PCDH15: variants seen among roughly 807,000 people sequenced by gnomAD.
PCDH15 encodes protocadherin related 15, also known as protocadherin-15.
A neutral mutation model predicts 178.5 loss-of-function variants in PCDH15; 129 were observed. That is an observed-to-expected ratio of 0.72 (90% CI 0.63 to 0.84). The LOEUF (loss-of-function observed/expected upper bound fraction) is 0.84. Among genes scored for constraint, PCDH15 ranks in the 40% least tolerant of loss-of-function variants. The pLI, the probability that PCDH15 is intolerant of heterozygous loss-of-function variation, is 0.00. For missense variants in PCDH15, 2,230 were observed against 2,099.9 expected (o/e 1.06, Z -1.21); for synonymous variants, 800 against 732.0 (o/e 1.09, Z -1.50).
At chr10:55,479,999 A>G (rs1840143596) in intron 2 of PCDH15, among the ~76,000 whole-genome samples, 1 of 147,310 alleles carries the variant, frequency 6.8e-6, no homozygotes, top group Admixed American at 6.8e-5. Context: ...TTTTGGTTCC[A>G]TATGAATTTT....
At chr10:53,959,038 T>G (rs2087961005) in intron 23 of PCDH15, among the ~76,000 whole-genome samples, 1 of 149,410 alleles carries the variant, frequency 6.7e-6, no homozygotes, top group African/African-American at 2.4e-5. Flanking sequence ...GCCACCCAAT[T>G]TATGGTATTT....
chr10:55,095,873 C>T (rs777485245), intron 2 of PCDH15, among the ~76,000 whole-genome samples: 4 of 151,960 alleles, frequency 2.6e-5, no homozygotes, highest in Non-Finnish European at 4.4e-5. Context: ...TTTTTATACT[C>T]GCAAAAGTAG....
intron 13 of PCDH15, among the ~76,000 whole-genome samples, chr10:54,182,853 T>G (rs1393212483): frequency 6.6e-6 from 1 of 152,186 alleles, no homozygotes; most frequent in African/African-American, 2.4e-5. Context: ...AGCTATGCTT[T>G]TTTTTTTAAA....
Position 54,991,405 on chromosome 10 carries a change from C to T in PCDH15, c.-79-93905G>A, listed in dbSNP as rs560397570. On this transcript the variant is annotated intron_variant, in intron 2 of 5. Transcript: ENST00000458638. Reference sequence around the variant, plus strand: ...AGAGGTAATTGAAAAAAGAGAAAAGCTGGGCATGTATACTGTATATAACCA... The same window carrying T: ...AGAGGTAATTGAAAAAAGAGAAAAGTTGGGCATGTATACTGTATATAACCA... Among the ~76,000 whole-genome samples, 32 of 152,144 alleles carry T rather than the reference C, an allele frequency of 2.1e-4. No individual in the cohort carries two copies. In the South Asian group the frequency reaches 6.6e-3, roughly 32 times the overall value.
In PCDH15 at chr10:55,111,532, T is replaced by TA. The variant is rs112529372; in HGVS notation, c.-80+55043dup. Among the ~76,000 whole-genome samples, 1,135 of 148,388 alleles carry TA rather than the reference T, an allele frequency of 7.6e-3. 15 individuals carry two copies. The highest frequency in any genetic ancestry group is 0.022 in the African/African-American group (893 of 40,614). ...CAATTGGGAGTCCAGAGATACTATTTAAAAAAAAAAAATTTAAAAAAGTTC... is the reference window on the plus strand; with the variant it reads ...CAATTGGGAGTCCAGAGATACTATTTAAAAAAAAAAAAATTTAAAAAAGTTC... On this transcript the variant is annotated intron_variant, in intron 2 of 5. Coordinates refer to the PCDH15 transcript ENST00000458638.
At chr10:54,336,810 T>C (rs1327843475) in intron 6 of PCDH15, among the ~76,000 whole-genome samples, 2 of 152,164 alleles carry the variant, frequency 1.3e-5, no homozygotes, top group African/African-American at 2.4e-5. Context: ...AGAGGGCCAC[T>C]GTCCTCCAGA....
chr10:54,973,994 T>A (rs1839001257), intron 2 of PCDH15, among the ~76,000 whole-genome samples: 1 of 151,742 alleles, frequency 6.6e-6, no homozygotes, highest in South Asian at 2.1e-4. Context: ...GGCTAAATGA[T>A]CTTATACTGG....
intron 16 of PCDH15, among the ~76,000 whole-genome samples, chr10:54,085,955 C>A (rs2094508431): frequency 1.3e-5 from 2 of 151,996 alleles, no homozygotes; most frequent in Non-Finnish European, 1.5e-5. Flanking sequence ...AATATTTTTT[C>A]ATTTTGCTTT....
chr10:54,228,199 C>T (rs2053660275), intron 9 of PCDH15, among the ~76,000 whole-genome samples: 1 of 152,014 alleles, frequency 6.6e-6, no homozygotes. Flanking sequence ...GGGCAATTTT[C>T]AAAAGAAAAA....
At chr10:54,050,275 T>G (rs911162164) in intron 18 of PCDH15, among the ~76,000 whole-genome samples, 1 of 152,182 alleles carries the variant, frequency 6.6e-6, no homozygotes, top group Non-Finnish European at 1.5e-5. Context: ...GATTTCTTCT[T>G]GATTCAATCA....
rs1224926027 is a variant in PCDH15, at chr10:54,090,009, G to C, written c.1972C>G (p.Gln658Glu). The C allele has an allele frequency of 6.2e-7, 1 of 1,612,030 alleles. No homozygotes were observed. The highest frequency in any genetic ancestry group is 1.3e-5 in the African/African-American group (1 of 74,856). The change falls in exon 16 of 38, where the codon CAG becomes GAG. Residue 658 changes from glutamine (Q) to glutamate (E), a missense_variant. Transcript: ENST00000644397. ...GTTTCTGAAAGATTAAAAACTCTCT[G>C]AGGATCTCCATTCTCAATGGCATAT... The part of the protein sequence containing the change: ...ITYAIENGDP[Q>E]RVFNLSETTG...
chr10:55,123,643 C>T (rs1488397818), intron 2 of PCDH15, among the ~76,000 whole-genome samples: 1 of 152,020 alleles, frequency 6.6e-6, no homozygotes, highest in African/African-American at 2.4e-5. Flanking sequence ...GCTAAGCAGA[C>T]ATGAAGGAGA....
chr10:54,418,978 A>G (rs1203783409), intron 3 of PCDH15, among the ~76,000 whole-genome samples: 2 of 152,040 alleles, frequency 1.3e-5, no homozygotes, highest in Non-Finnish European at 2.9e-5. Context: ...ATTTACAAAC[A>G]CATAAAAACC....
In PCDH15 at chr10:54,228,174, G is replaced by A. The variant is rs7917047; in HGVS notation, c.985+8649C>T. On this transcript the variant is annotated intron_variant, in intron 9 of 37. Transcript: ENST00000644397. The stretch of plus-strand genomic sequence containing the variant: ...AGTTCATTTTCACACAGCTGATAAA[G>A]ACATACCAGAGACTGGGCAATTTTC... Among the ~76,000 whole-genome samples the A allele has an allele frequency of 3.9e-3, 596 of 152,210 alleles. 3 individuals carry two copies. Among genetic ancestry groups the A allele is most frequent in the African/African-American group, 0.014 (562 of 41,530 alleles).
intron 13 of PCDH15, among the ~76,000 whole-genome samples, chr10:54,164,397 GATT>G (rs2046003347): frequency 6.6e-6 from 1 of 152,154 alleles, no homozygotes; most frequent in Non-Finnish European, 1.5e-5. Context: ...AGGACAGAAA[GATT>G]ATTTGGATGG....
At chr10:55,059,429 G>T (rs1270390278) in intron 2 of PCDH15, among the ~76,000 whole-genome samples, 1 of 151,956 alleles carries the variant, frequency 6.6e-6, no homozygotes, top group East Asian at 1.9e-4. Flanking sequence ...CTAACAAATG[G>T]ACAACTCAAT....
chr10:54,208,562 T>C (rs769449034), intron 10 of PCDH15, among the ~76,000 whole-genome samples: 27 of 151,994 alleles, frequency 1.8e-4, no homozygotes, highest in Non-Finnish European at 3.5e-4. Context: ...AAACAGAATT[T>C]GGCAATCTGC....
At chr10:54,112,761 A>T (rs529245512) in intron 15 of PCDH15, among the ~76,000 whole-genome samples, 1 of 152,324 alleles carries the variant, frequency 6.6e-6, no homozygotes, top group East Asian at 1.9e-4. Flanking sequence ...CAGAGTGAAA[A>T]TCCACACAAT....
chr10:54,541,348 T>C (rs1262079463), intron 2 of PCDH15, among the ~76,000 whole-genome samples: 1 of 152,196 alleles, frequency 6.6e-6, no homozygotes, highest in Non-Finnish European at 1.5e-5. Context: ...ATTTTTGATG[T>C]GCATTTAACA....
Sources: gnomAD v4.1 joint callset for allele counts (sites outside exome capture counted in the v4.1 genomes callset) on GRCh38, gnomAD v4.1.1 for gene constraint, MANE v1.5 for transcripts, NCBI Gene and HGNC (gene_info 2026-07-23, HGNC 2026-07-21) for gene names.